Variants in ERBB4 observed in about 807,000 individuals in gnomAD.
ERBB4 encodes receptor tyrosine-protein kinase erbB-4.
ERBB4 carries 42 observed loss-of-function variants against 158.0 expected under a neutral mutation model. That is an observed-to-expected ratio of 0.27 (90% CI 0.21 to 0.34). The LOEUF (loss-of-function observed/expected upper bound fraction) is 0.34. Ranked by LOEUF, ERBB4 falls within the 10% of genes least tolerant of loss-of-function variation. The pLI, the probability that ERBB4 is intolerant of heterozygous loss-of-function variation, is 1.00. For synonymous variants in ERBB4, 583 were observed against 558.7 expected, an observed-to-expected ratio of 1.04 and a Z score of -0.61; for missense variants, 1,333 against 1,624.1, an observed-to-expected ratio of 0.82 and a Z score of 3.08.
At chr2:212,090,015 G>T (rs2078725721) in intron 2 of ERBB4, among the ~76,000 whole-genome samples, 1 of 152,124 alleles carries the variant, frequency 6.6e-6, no homozygotes, top group South Asian at 2.1e-4. Context: ...CCACAATGAA[G>T]TATGATTACT....
intron 1 of ERBB4, among the ~76,000 whole-genome samples, chr2:212,409,429 A>C (rs2091437388): frequency 6.6e-6 from 1 of 152,124 alleles, no homozygotes. Flanking sequence ...ATTGCAGTGT[A>C]ATCTACCCAA....
intron 1 of ERBB4, among the ~76,000 whole-genome samples, chr2:212,349,050 G>A (rs745776970): frequency 4.6e-5 from 7 of 152,106 alleles, no homozygotes; most frequent in South Asian, 2.1e-4. Context: ...ATTTTATTTC[G>A]AAAAGGATAT....
At chr2:211,857,236 AT>A (rs1317526574) in intron 3 of ERBB4, among the ~76,000 whole-genome samples, 2 of 150,272 alleles carry the variant, frequency 1.3e-5, no homozygotes, top group Non-Finnish European at 3.0e-5. Context: ...TGCAACTGAT[AT>A]TTTAAATGTC....
intron 19 of ERBB4, among the ~76,000 whole-genome samples, chr2:211,593,355 T>C (rs965501175): frequency 2.0e-5 from 3 of 152,138 alleles, no homozygotes; most frequent in Non-Finnish European, 4.4e-5. Context: ...AAACGTTGAG[T>C]GTAACTTCTC....
intron 1 of ERBB4, among the ~76,000 whole-genome samples, chr2:212,190,551 AAG>A (rs1553587255): frequency 9.5e-6 from 1 of 105,344 alleles, no homozygotes; most frequent in East Asian, 2.0e-4. Context: ...AAAAAAAAAA[AAG>A]AAGAAGAAGA....
chr2:211,519,907 C>T (rs1022291053), intron 20 of ERBB4, among the ~76,000 whole-genome samples: 9 of 152,126 alleles, frequency 5.9e-5, no homozygotes, highest in African/African-American at 1.7e-4. Flanking sequence ...TTGCTCCATG[C>T]TTGCATGTAT....
chr2:211,943,275 A>C (rs530874613), intron 3 of ERBB4, among the ~76,000 whole-genome samples: 1 of 152,224 alleles, frequency 6.6e-6, no homozygotes, highest in East Asian at 1.9e-4. Context: ...GTAGAAGCTT[A>C]TAGAATTAAT....
chr2:212,304,476 A>AT (rs34504071), intron 1 of ERBB4, among the ~76,000 whole-genome samples: 84,344 of 150,846 alleles, frequency 0.56, 27,491 homozygotes, highest in East Asian at 0.84. Flanking sequence ...AAGAACACAT[A>AT]TTTTTTTTAT....
At chr2:211,403,098 C>T (rs2063079177) in intron 25 of ERBB4, among the ~76,000 whole-genome samples, 1 of 152,102 alleles carries the variant, frequency 6.6e-6, no homozygotes, top group African/African-American at 2.4e-5. Context: ...GAGGCTCCAC[C>T]TCTACTCTCA....
At chr2:211,459,572 T>C (rs566535097) in intron 20 of ERBB4, among the ~76,000 whole-genome samples, 6 of 152,256 alleles carry the variant, frequency 3.9e-5, no homozygotes, top group Non-Finnish European at 7.4e-5. Context: ...ATTGCTCACA[T>C]GGTAGTGAAT....
chr2:211,695,700 T>G (rs976480135), intron 12 of ERBB4, among the ~76,000 whole-genome samples: 1 of 152,138 alleles, frequency 6.6e-6, no homozygotes, highest in East Asian at 1.9e-4. Context: ...TCTCACAAAT[T>G]TTTAATTCAC....
intron 2 of ERBB4, among the ~76,000 whole-genome samples, chr2:212,069,121 T>A (rs993616208): frequency 7.9e-5 from 12 of 152,082 alleles, no homozygotes; most frequent in Non-Finnish European, 1.3e-4. Context: ...CTGAGGTATG[T>A]CTTTATTAGC....
intron 25 of ERBB4, among the ~76,000 whole-genome samples, chr2:211,399,478 T>C (rs1398605017): frequency 1.3e-5 from 2 of 152,192 alleles, no homozygotes; most frequent in African/African-American, 4.8e-5. Flanking sequence ...CCTGATATTA[T>C]ATATGGTACA....
chr2:212,514,852 C>T (rs1243553963), intron 1 of ERBB4, among the ~76,000 whole-genome samples: 1 of 151,922 alleles, frequency 6.6e-6, no homozygotes, highest in East Asian at 1.9e-4. Flanking sequence ...TAAACTGATG[C>T]AAAAGGAAAA....
chr2:211,980,679 T>G (rs1027591316), intron 2 of ERBB4, among the ~76,000 whole-genome samples: 1 of 152,164 alleles, frequency 6.6e-6, no homozygotes, highest in Non-Finnish European at 1.5e-5. Flanking sequence ...GATTCAGTAT[T>G]GTATATCTTA....
chr2:212,474,822 C>CCTTTTTTTTTTTT (rs1689295723), intron 1 of ERBB4, among the ~76,000 whole-genome samples: 1 of 94,412 alleles, frequency 1.1e-5, no homozygotes, highest in African/African-American at 6.1e-5. Flanking sequence ...CCCGGCCATT[C>CCTTTTTTTTTTTT]TTTTTTTTTT....
intron 1 of ERBB4, among the ~76,000 whole-genome samples, chr2:212,167,487 G>T (rs1204431612): frequency 1.3e-5 from 2 of 152,128 alleles, no homozygotes; most frequent in African/African-American, 4.8e-5. Flanking sequence ...TTACACTGTT[G>T]ATGGGAATAT....
chr2:211,847,470 T>C (rs936216128), intron 3 of ERBB4, among the ~76,000 whole-genome samples: 35 of 152,116 alleles, frequency 2.3e-4, no homozygotes, highest in African/African-American at 8.2e-4. Context: ...AATGGCCCAA[T>C]GCACAACTGA....
At chr2:212,096,477 G>C (rs2078937043) in intron 2 of ERBB4, among the ~76,000 whole-genome samples, 1 of 152,066 alleles carries the variant, frequency 6.6e-6, no homozygotes, top group African/African-American at 2.4e-5. Context: ...TCTCATCTTA[G>C]TTATGAAAAC....
Sources: gnomAD v4.1 joint callset for allele counts (sites outside exome capture counted in the v4.1 genomes callset) on GRCh38, gnomAD v4.1.1 for gene constraint, MANE v1.5 for transcripts, NCBI Gene and HGNC (gene_info 2026-07-23, HGNC 2026-07-21) for gene names.